ABRAXAS2: variants seen among roughly 807,000 people sequenced by gnomAD.
ABRAXAS2 encodes the protein BRISC complex subunit Abraxas 2.
Under a neutral mutation model 49.0 loss-of-function variants are expected in ABRAXAS2, and 23 were observed. That is an observed-to-expected ratio of 0.47 (90% CI 0.34 to 0.66). The LOEUF is 0.66. Ranked by LOEUF, ABRAXAS2 falls within the 30% of genes least tolerant of loss-of-function variation. The probability of loss-of-function intolerance (pLI) is 0.01; values close to 1 mark genes in which losing one functional copy is unlikely to be tolerated. For missense variants in ABRAXAS2, 443 were observed against 511.9 expected, an observed-to-expected ratio of 0.87 and a Z score of 1.30; for synonymous variants, 168 against 180.2, an observed-to-expected ratio of 0.93 and a Z score of 0.54.
At chr10:124,804,236 A>G (rs7914018) in intron 1 of ABRAXAS2, among the ~76,000 whole-genome samples, 8,736 of 152,274 alleles carry the variant, frequency 0.057, 812 homozygotes, top group African/African-American at 0.2. Context: ...GAGTTATATC[A>G]TTATTCCACA....
At chr10:124,822,757 G>A (rs894870294) in intron 4 of ABRAXAS2, among the ~76,000 whole-genome samples, 5 of 146,710 alleles carry the variant, frequency 3.4e-5, no homozygotes, top group East Asian at 4.0e-4. Flanking sequence ...GCATCATTGC[G>A]CTCCAGCCTG....
chr10:124,823,223 C>CA (rs941019527), intron 4 of ABRAXAS2, among the ~76,000 whole-genome samples: 37 of 151,228 alleles, frequency 2.4e-4, no homozygotes, highest in Non-Finnish European at 5.0e-4. Context: ...ACTTAGATTT[C>CA]AAAAAAAAGC....
At chr10:124,824,413 C>T (rs1950884245) in intron 4 of ABRAXAS2, among the ~76,000 whole-genome samples, 1 of 151,920 alleles carries the variant, frequency 6.6e-6, no homozygotes, top group Admixed American at 6.6e-5. Context: ...CCTGTAATCC[C>T]AGCTACTTAG....
At chr10:124,827,614 A>G (rs1950905078) in intron 5 of ABRAXAS2, among the ~76,000 whole-genome samples, 1 of 152,162 alleles carries the variant, frequency 6.6e-6, no homozygotes, top group African/African-American at 2.4e-5. Flanking sequence ...GCTTCTCCAT[A>G]ATCCACTATG....
chr10:124,805,009 C>T (rs1950731401), intron 1 of ABRAXAS2, among the ~76,000 whole-genome samples: 1 of 151,928 alleles, frequency 6.6e-6, no homozygotes, highest in Non-Finnish European at 1.5e-5. Flanking sequence ...CCACCGTGCC[C>T]GGCCTATGTA....
chr10:124,808,465 C>T lies in ABRAXAS2; in HGVS notation c.163+1544C>T, dbSNP rs190983285. The stretch of plus-strand genomic sequence containing the variant: ...TGCTGGGATTACAGGCGTGAGCCAC[C>T]GTGCCTGGCTATGCGGCAAACATTT... On this transcript the variant is annotated intron_variant, in intron 2 of 8. Transcript: ENST00000298492. 1.7e-4 allele frequency among the ~76,000 whole-genome samples: 26 copies of T among 152,162 alleles called. No individual in the cohort carries two copies. In the East Asian group the frequency reaches 4.6e-3, roughly 27 times the overall value.
At chr10:124,803,722 A>C (rs1050728530) in intron 1 of ABRAXAS2, among the ~76,000 whole-genome samples, 2 of 152,064 alleles carry the variant, frequency 1.3e-5, no homozygotes, top group Non-Finnish European at 2.9e-5. Flanking sequence ...ACCAACAAGG[A>C]GAAACCCCGT....
chr10:124,820,258 CAA>C (rs996016412), intron 4 of ABRAXAS2, among the ~76,000 whole-genome samples: 3 of 152,112 alleles, frequency 2.0e-5, no homozygotes, highest in African/African-American at 7.2e-5. Flanking sequence ...ATAGTAAACT[CAA>C]GAGGTGCTCC....
chr10:124,834,999 A>AATGAAGAAAAACAGTG lies in ABRAXAS2; in HGVS notation c.*28_*29insATGAAGAAAAACAGTG. ...AAACAAAAGAAACTCTCCACCTAGCACTGTTTTTCTTCATTGCTTACTGAG... is the reference window on the plus strand; with the variant it reads ...AAACAAAAGAAACTCTCCACCTAGCAATGAAGAAAAACAGTGCTGTTTTTCTTCATTGCTTACTGAG... On this transcript the variant is annotated 3_prime_UTR_variant, in exon 9 of 9. Transcript: ENST00000298492. The AATGAAGAAAAACAGTG allele has an allele frequency of 6.6e-7, 1 of 1,521,160 alleles. No homozygotes were observed. Among genetic ancestry groups the AATGAAGAAAAACAGTG allele is most frequent in the Non-Finnish European group, 8.9e-7 (1 of 1,128,208 alleles). The allele number at this position is 1,521,160 out of a possible 1,614,324, so 94.2% of individuals were successfully genotyped here.
chr10:124,825,036 T>C (rs966192075), intron 4 of ABRAXAS2, among the ~76,000 whole-genome samples: 1 of 152,004 alleles, frequency 6.6e-6, no homozygotes, highest in Non-Finnish European at 1.5e-5. Flanking sequence ...GATTATATAC[T>C]GAGGCCAGGC....
chr10:124,814,791 C>T (rs542106788), intron 2 of ABRAXAS2, among the ~76,000 whole-genome samples: 12 of 151,940 alleles, frequency 7.9e-5, no homozygotes, highest in East Asian at 7.8e-4. Context: ...GGATTACAGG[C>T]GCGCGCCACC....
chr10:124,825,092 C>T (rs373853860), intron 4 of ABRAXAS2, among the ~76,000 whole-genome samples: 13 of 151,976 alleles, frequency 8.6e-5, no homozygotes, highest in African/African-American at 2.7e-4. Flanking sequence ...GAGGCTGAGG[C>T]GGGTGGATCA....
intron 2 of ABRAXAS2, among the ~76,000 whole-genome samples, chr10:124,811,496 G>A (rs1281766079): frequency 6.6e-6 from 1 of 152,064 alleles, no homozygotes; most frequent in Non-Finnish European, 1.5e-5. Flanking sequence ...GGGAGGCCGA[G>A]GTGGGCAGAT....
At position 124,835,066 on chromosome 10, in the gene ABRAXAS2, C is replaced by T. The variant is rs1950961500; in HGVS notation, c.*95C>T. 1.1e-6 allele frequency: 1 copy of T among 933,272 alleles called. No individual in the cohort carries two copies. The allele number at this position is 933,272 out of a possible 1,614,324, so 57.8% of individuals were successfully genotyped here. On this transcript the variant is annotated 3_prime_UTR_variant, in exon 9 of 9. Transcript: ENST00000298492. ...TAATCTGGGGGGAGAACTGCTTTCT[C>T]AGATACCTTAACTCCCGAGAAGAGA... is the stretch of plus-strand genomic sequence containing the variant.
intron 2 of ABRAXAS2, among the ~76,000 whole-genome samples, chr10:124,812,263 T>C (rs1190350693): frequency 1.3e-5 from 2 of 152,230 alleles, no homozygotes; most frequent in Non-Finnish European, 2.9e-5. Flanking sequence ...TTATTAGCGA[T>C]GTTCAGTTCA....
intron 4 of ABRAXAS2, among the ~76,000 whole-genome samples, chr10:124,822,902 A>G (rs1950871438): frequency 6.6e-6 from 1 of 152,190 alleles, no homozygotes; most frequent in Non-Finnish European, 1.5e-5. Flanking sequence ...GAGACACAGA[A>G]GGCCACTCGT....
intron 3 of ABRAXAS2, among the ~76,000 whole-genome samples, chr10:124,818,388 T>TC (rs1243335746): frequency 7.2e-6 from 1 of 138,524 alleles, no homozygotes; most frequent in Non-Finnish European, 1.5e-5. Flanking sequence ...AGAGCGAGAC[T>TC]CCATCTCAAC....
chr10:124,817,678 C>G (rs1206303188), intron 3 of ABRAXAS2, among the ~76,000 whole-genome samples: 1 of 152,154 alleles, frequency 6.6e-6, no homozygotes. Context: ...CACTCTCCCA[C>G]TGTCAGCTGG....
intron 1 of ABRAXAS2, 60 bp downstream of exon 1, chr10:124,801,961 C>A: frequency 6.4e-7 from 1 of 1,551,690 alleles, no homozygotes; most frequent in Non-Finnish European, 8.8e-7. Flanking sequence ...CTCAGGCCGG[C>A]GCTCGCGGCC....
Sources: gnomAD v4.1 joint callset for allele counts (sites outside exome capture counted in the v4.1 genomes callset) on GRCh38, gnomAD v4.1.1 for gene constraint, MANE v1.5 for transcripts, NCBI Gene and HGNC (gene_info 2026-07-23, HGNC 2026-07-21) for gene names.